Variants in SHROOM3 observed in about 807,000 individuals in gnomAD.
SHROOM3 encodes the protein protein Shroom3.
SHROOM3 carries 47 observed loss-of-function variants against 138.6 expected under a neutral mutation model. The ratio of observed to expected loss-of-function variants is 0.34; its 90% CI spans 0.27 to 0.43. The LOEUF (loss-of-function observed/expected upper bound fraction) is 0.43, where lower values mean the gene tolerates loss of function less well. Ranked by LOEUF, SHROOM3 falls within the 20% of genes least tolerant of loss-of-function variation. The probability of loss-of-function intolerance (pLI) is 1.00; values close to 1 mark genes in which losing one functional copy is unlikely to be tolerated. For synonymous variants in SHROOM3, 1,062 were observed against 1,063.3 expected (o/e 1.00, Z 0.02); for missense variants, 2,491 against 2,596.5 (o/e 0.96, Z 0.88).
intron 1 of SHROOM3, among the ~76,000 whole-genome samples, chr4:76,451,934 T>C (rs981617163): frequency 2.6e-5 from 4 of 152,186 alleles, no homozygotes; most frequent in African/African-American, 4.8e-5. Context: ...CTCGAACTCT[T>C]GGGCTCAAGC....
chr4:76,778,221 GA>G (rs1355005849), intron 10 of SHROOM3, among the ~76,000 whole-genome samples: 2 of 142,176 alleles, frequency 1.4e-5, no homozygotes, highest in East Asian at 2.1e-4. Flanking sequence ...GTACCTTGAT[GA>G]TTTTTTTTTT....
intron 2 of SHROOM3, among the ~76,000 whole-genome samples, chr4:76,575,345 G>GTCC (rs1473220255): frequency 6.6e-6 from 1 of 152,174 alleles, no homozygotes; most frequent in East Asian, 1.9e-4. Flanking sequence ...AGTACTGGAA[G>GTCC]TCCTAGCTAG....
At chr4:76,591,739 A>G (rs374758640) in intron 2 of SHROOM3, among the ~76,000 whole-genome samples, 11 of 151,412 alleles carry the variant, frequency 7.3e-5, no homozygotes, top group African/African-American at 2.7e-4. Context: ...TCTGAAACAC[A>G]GGTTCCTAAT....
Position 76,441,086 on chromosome 4 carries a change from G to GTTTTTTGT in SHROOM3, c.168+4872_168+4873insGTTTTTTT, listed in dbSNP as rs1553913334. On this transcript the variant is annotated intron_variant, in intron 1 of 10. Coordinates refer to ENST00000296043, the MANE Select transcript of SHROOM3 (RefSeq NM_020859.4). ...TCAGCCACAGTCCTGAGTTCAATTT[G>GTTTTTTGT]TTTTTTTTTTTTTTTTTTTTTGAGA... is the stretch of plus-strand genomic sequence containing the variant. Among the ~76,000 whole-genome samples, 143 of 82,202 alleles carry GTTTTTTGT rather than the reference G, an allele frequency of 1.7e-3. 1 individual carries two copies. The highest frequency in any genetic ancestry group is 6.4e-3 in the African/African-American group (136 of 21,412). The allele number at this position is 82,202 out of a possible 152,430, so 53.9% of individuals were successfully genotyped here. A position where few individuals can be genotyped will look rare whatever the true frequency, so the allele number is the denominator to read the frequency against.
chr4:76,725,450 T>C (rs1159121709), intron 3 of SHROOM3, among the ~76,000 whole-genome samples: 3 of 152,242 alleles, frequency 2.0e-5, no homozygotes, highest in African/African-American at 7.2e-5. Flanking sequence ...ATTTGTTTAA[T>C]TTTTTATTTT....
At chr4:76,502,550 G>A (rs1196531652) in intron 1 of SHROOM3, among the ~76,000 whole-genome samples, 1 of 152,206 alleles carries the variant, frequency 6.6e-6, no homozygotes, top group Non-Finnish European at 1.5e-5. Context: ...CGTGTCCACT[G>A]TAGAATCTGC....
In SHROOM3 at chr4:76,635,378, C is replaced by T. The variant is rs1003954282; in HGVS notation, c.324-74778C>T. Among the ~76,000 whole-genome samples the T allele has an allele frequency of 5.9e-5, 9 of 152,174 alleles. 1 individual carries two copies. Among genetic ancestry groups the T allele is most frequent in the Non-Finnish European group, 1.3e-4 (9 of 68,040 alleles). Reference sequence around the variant, plus strand: ...CTAGTTTGAGACCTGCCCTCCTCTTCGTTTTGGGACCTGACATGAGCTGGT... The same window carrying T: ...CTAGTTTGAGACCTGCCCTCCTCTTTGTTTTGGGACCTGACATGAGCTGGT... On this transcript the variant is annotated intron_variant, in intron 2 of 10. Coordinates refer to ENST00000296043, the MANE Select transcript of SHROOM3 (RefSeq NM_020859.4).
At chr4:76,548,806 G>A (rs919888393) in intron 1 of SHROOM3, among the ~76,000 whole-genome samples, 5 of 152,188 alleles carry the variant, frequency 3.3e-5, no homozygotes, top group Admixed American at 2.6e-4. Flanking sequence ...GGGAAAAAGC[G>A]TGCTTAGCTT....
intron 2 of SHROOM3, among the ~76,000 whole-genome samples, chr4:76,705,184 A>G (rs1220552840): frequency 6.6e-6 from 1 of 151,814 alleles, no homozygotes; most frequent in African/African-American, 2.4e-5. Context: ...TAAAATACCA[A>G]ATAGGTTGGG....
At chr4:76,764,162 GAAT>G (rs1223662809) in intron 9 of SHROOM3, among the ~76,000 whole-genome samples, 3 of 152,110 alleles carry the variant, frequency 2.0e-5, no homozygotes, top group Non-Finnish European at 2.9e-5. Context: ...CCTAGATGAT[GAAT>G]AATATTCCAA....
At chr4:76,455,707 AT>A (rs959499855) in intron 1 of SHROOM3, among the ~76,000 whole-genome samples, 1 of 152,066 alleles carries the variant, frequency 6.6e-6, no homozygotes, top group African/African-American at 2.4e-5. Context: ...ATGAAATTAG[AT>A]TTTTTTTAAC....
At chr4:76,684,025 C>T (rs967289908) in intron 2 of SHROOM3, among the ~76,000 whole-genome samples, 1 of 152,132 alleles carries the variant, frequency 6.6e-6, no homozygotes, top group Non-Finnish European at 1.5e-5. Context: ...TGGATGTAGA[C>T]AGCAAATGGG....
chr4:76,663,246 G>A (rs976719434), intron 2 of SHROOM3, among the ~76,000 whole-genome samples: 5 of 152,032 alleles, frequency 3.3e-5, no homozygotes, highest in African/African-American at 9.7e-5. Context: ...TAGGGAAGGA[G>A]CCATTGGGTC....
intron 1 of SHROOM3, among the ~76,000 whole-genome samples, chr4:76,465,602 G>T (rs1392795659): frequency 6.6e-6 from 1 of 152,126 alleles, no homozygotes; most frequent in Non-Finnish European, 1.5e-5. Flanking sequence ...GATCCACATT[G>T]TGTTCAAAGA....
rs143269506 is a variant in SHROOM3, at chr4:76,508,240, G to T, written c.169-47369G>T. On this transcript the variant is annotated intron_variant, in intron 1 of 10. Transcript: ENST00000296043. ...TATTTTAACTTTTTGTCTATGGTAT[G>T]AGCTAAGGGTCCAGCTTTTTCTTTG... is the stretch of plus-strand genomic sequence containing the variant. Among the ~76,000 whole-genome samples the T allele has an allele frequency of 1.2e-3, 184 of 152,220 alleles. 1 individual carries two copies. The highest frequency in any genetic ancestry group is 4.3e-3 in the African/African-American group (179 of 41,538).
chr4:76,607,967 G>T (rs760077618), intron 2 of SHROOM3, among the ~76,000 whole-genome samples: 1 of 152,150 alleles, frequency 6.6e-6, no homozygotes, highest in Non-Finnish European at 1.5e-5. Context: ...TTAACCTCTA[G>T]CTGTGCAGGC....
At chr4:76,726,880 T>G (rs1421201466) in intron 3 of SHROOM3, among the ~76,000 whole-genome samples, 1 of 152,184 alleles carries the variant, frequency 6.6e-6, no homozygotes, top group East Asian at 1.9e-4. Context: ...GTGGAATTTA[T>G]CACTTTCTAT....
At chr4:76,605,937 A>G (rs186772591) in intron 2 of SHROOM3, among the ~76,000 whole-genome samples, 1 of 141,996 alleles carries the variant, frequency 7.0e-6, no homozygotes, top group East Asian at 2.0e-4. Flanking sequence ...CTCTCTCTAT[A>G]TATATATATA....
chr4:76,507,593 G>A (rs1282762655), intron 1 of SHROOM3, among the ~76,000 whole-genome samples: 2 of 149,256 alleles, frequency 1.3e-5, no homozygotes, highest in Admixed American at 6.8e-5. Context: ...CTCGAGTGCA[G>A]TGGCGTGATC....
Sources: allele counts gnomAD v4.1 joint callset (sites outside exome capture counted in the v4.1 genomes callset), GRCh38; gene constraint gnomAD v4.1.1; transcripts MANE v1.5; gene names NCBI Gene and HGNC (gene_info 2026-07-23, HGNC 2026-07-21).